The following CNTNAP2 variants were observed in gnomAD, a reference collection of about 807,000 sequenced individuals.
CNTNAP2 encodes the protein contactin associated protein 2, also known as contactin-associated protein-like 2.
Under a neutral mutation model 155.2 loss-of-function variants are expected in CNTNAP2, and 98 were observed. The ratio of observed to expected loss-of-function variants is 0.63; its 90% CI spans 0.54 to 0.75. CNTNAP2 has a LOEUF of 0.75. CNTNAP2 is among the 30% of genes least tolerant of loss of function. The pLI is 0.00. For synonymous variants in CNTNAP2, 651 were observed against 631.2 expected, an observed-to-expected ratio of 1.03 and a Z score of -0.47; for missense variants, 1,727 against 1,688.1, an observed-to-expected ratio of 1.02 and a Z score of -0.40.
At chr7:146,584,815 A>G (rs1798662635) in intron 1 of CNTNAP2, among the ~76,000 whole-genome samples, 1 of 152,110 alleles carries the variant, frequency 6.6e-6, no homozygotes. Context: ...AGGTTATGGG[A>G]TTATCCTTAG....
chr7:146,523,241 A>G (rs1227765891), intron 1 of CNTNAP2, among the ~76,000 whole-genome samples: 1 of 152,040 alleles, frequency 6.6e-6, no homozygotes, highest in Non-Finnish European at 1.5e-5. Flanking sequence ...ATAAATTTAG[A>G]TGGCTAAACA....
chr7:146,217,786 C>G (rs1799137064), intron 1 of CNTNAP2, among the ~76,000 whole-genome samples: 1 of 152,098 alleles, frequency 6.6e-6, no homozygotes, highest in African/African-American at 2.4e-5. Context: ...AGCCTCCTAT[C>G]TTAACCAGCA....
chr7:147,467,913 C>A (rs1798148491), intron 10 of CNTNAP2, among the ~76,000 whole-genome samples: 1 of 151,946 alleles, frequency 6.6e-6, no homozygotes, highest in African/African-American at 2.4e-5. Context: ...TGCCTGTAGT[C>A]CTAGCTTCTC....
At chr7:147,759,379 A>G (rs915866528) in intron 13 of CNTNAP2, among the ~76,000 whole-genome samples, 1 of 152,204 alleles carries the variant, frequency 6.6e-6, no homozygotes, top group African/African-American at 2.4e-5. Flanking sequence ...AAACAAGGGA[A>G]TTACTGATGT....
intron 1 of CNTNAP2, among the ~76,000 whole-genome samples, chr7:146,376,137 C>G (rs1306037999): frequency 6.6e-6 from 1 of 152,164 alleles, no homozygotes; most frequent in Non-Finnish European, 1.5e-5. Context: ...AAAAACAAAA[C>G]TATAAGAGCG....
intron 1 of CNTNAP2, among the ~76,000 whole-genome samples, chr7:146,343,073 G>C (rs1300746749): frequency 6.6e-6 from 1 of 151,898 alleles, no homozygotes; most frequent in Non-Finnish European, 1.5e-5. Flanking sequence ...GTTTGGTAAA[G>C]AAGGTTGTTT....
chr7:147,468,999 T>C (rs1359180810), intron 10 of CNTNAP2, among the ~76,000 whole-genome samples: 4 of 152,040 alleles, frequency 2.6e-5, no homozygotes, highest in Non-Finnish European at 5.9e-5. Context: ...ATTTTTGTAT[T>C]TTTAGTAGAG....
intron 1 of CNTNAP2, among the ~76,000 whole-genome samples, chr7:146,284,911 A>G (rs1337812241): frequency 6.6e-6 from 1 of 152,132 alleles, no homozygotes; most frequent in South Asian, 2.1e-4. Context: ...ACAGGCTATG[A>G]CTATGCTTCT....
chr7:147,306,924 A>C (rs966074500), intron 9 of CNTNAP2, among the ~76,000 whole-genome samples: 3 of 152,216 alleles, frequency 2.0e-5, no homozygotes, highest in African/African-American at 7.2e-5. Flanking sequence ...ACACACACAA[A>C]GAGTGCAATT....
At chr7:147,958,126 C>T (rs2708249) in intron 14 of CNTNAP2, among the ~76,000 whole-genome samples, 122,798 of 152,018 alleles carry the variant, frequency 0.81, 50,639 homozygotes, top group South Asian at 0.92. Context: ...TAAGCAAAGA[C>T]GCTTTAACTT....
At chr7:147,854,067 C>T (rs569416633) in intron 13 of CNTNAP2, among the ~76,000 whole-genome samples, 1 of 152,258 alleles carries the variant, frequency 6.6e-6, no homozygotes, top group East Asian at 1.9e-4. Flanking sequence ...ACACACTGTG[C>T]AAGATGTTTA....
At chr7:147,710,074 T>C (rs2117014673) in intron 13 of CNTNAP2, among the ~76,000 whole-genome samples, 1 of 152,266 alleles carries the variant, frequency 6.6e-6, no homozygotes, top group African/African-American at 2.4e-5. Context: ...CAACTTTGTT[T>C]TCTTTTTCTC....
chr7:148,078,575 G>C (rs1431064027), intron 15 of CNTNAP2, among the ~76,000 whole-genome samples: 1 of 152,028 alleles, frequency 6.6e-6, no homozygotes, highest in Non-Finnish European at 1.5e-5. Flanking sequence ...CCACCTCCCA[G>C]GTTCAAACGA....
chr7:146,306,212 C>A (rs1248490079), intron 1 of CNTNAP2, among the ~76,000 whole-genome samples: 1 of 152,204 alleles, frequency 6.6e-6, no homozygotes, highest in Non-Finnish European at 1.5e-5. Flanking sequence ...AGTTGAATCA[C>A]TGAATAGACC....
intron 5 of CNTNAP2, among the ~76,000 whole-genome samples, chr7:147,113,357 T>A (rs545368397): frequency 3.9e-4 from 60 of 152,084 alleles, no homozygotes; most frequent in Middle Eastern, 3.4e-3. Context: ...TTCTAGCTAA[T>A]GGACTATTTT....
intron 17 of CNTNAP2, among the ~76,000 whole-genome samples, chr7:148,158,067 G>A (rs570408669): frequency 2.3e-4 from 35 of 152,038 alleles, no homozygotes; most frequent in African/African-American, 7.7e-4. Context: ...CCCCCACAAA[G>A]GGCAAAGGAT....
intron 15 of CNTNAP2, among the ~76,000 whole-genome samples, chr7:148,109,294 G>C (rs538133361): frequency 6.6e-6 from 1 of 152,158 alleles, no homozygotes; most frequent in Non-Finnish European, 1.5e-5. Context: ...AAATAGGGTC[G>C]AGCTGCTTAT....
intron 20 of CNTNAP2, among the ~76,000 whole-genome samples, chr7:148,263,566 G>A (rs540372016): frequency 3.9e-5 from 6 of 151,986 alleles, no homozygotes; most frequent in African/African-American, 1.2e-4. Flanking sequence ...GTGAAACCCC[G>A]TCTCTACTAA....
intron 11 of CNTNAP2, among the ~76,000 whole-genome samples, chr7:147,496,403 A>T (rs1401208276): frequency 2.6e-5 from 4 of 152,332 alleles, no homozygotes; most frequent in Middle Eastern, 3.4e-3. Context: ...GCTGCTGAAA[A>T]TGCTTACAGT....
Sources: gnomAD v4.1 joint callset for allele counts (sites outside exome capture counted in the v4.1 genomes callset) on GRCh38, gnomAD v4.1.1 for gene constraint, MANE v1.5 for transcripts, NCBI Gene and HGNC (gene_info 2026-07-23, HGNC 2026-07-21) for gene names.